The following SYMPK variants were observed in gnomAD, a reference collection of about 807,000 sequenced individuals.
The protein encoded by SYMPK is symplekin scaffold protein.
A neutral mutation model predicts 136.4 loss-of-function variants in SYMPK; 49 were observed. The ratio of observed to expected loss-of-function variants is 0.36; its 90% confidence interval spans 0.29 to 0.46. The LOEUF is 0.46. SYMPK is among the 20% of genes least tolerant of loss of function. SYMPK has a pLI of 1.00. For missense variants in SYMPK, 1,365 were observed against 1,690.0 expected, an observed-to-expected ratio of 0.81 and a Z score of 3.37; for synonymous variants, 766 against 713.0, an observed-to-expected ratio of 1.07 and a Z score of -1.19.
intron 11 of SYMPK, 42 bp downstream of exon 11, chr19:45,835,036 A>G (rs1236166858): frequency 1.4e-6 from 2 of 1,467,968 alleles, no homozygotes; most frequent in East Asian, 2.4e-5. Flanking sequence ...AGAAGCCACA[A>G]GTGCCAATCC....
intron 5 of SYMPK, 48 bp downstream of exon 5, chr19:45,852,264 G>A: frequency 1.2e-6 from 2 of 1,606,274 alleles, no homozygotes; most frequent in Middle Eastern, 1.7e-4. Flanking sequence ...CGAGCTGAAG[G>A]CTGCCACCAG....
At position 45,847,763 on chromosome 19, in the gene SYMPK, T is replaced by C. The variant is rs1437776128; in HGVS notation, c.665A>G (p.Tyr222Cys). The part of the protein sequence containing the change: ...SLDRIPRDHP[Y>C]IQYNVLWEEG... Reference sequence around the variant, plus strand: ...AAGGCAGTACTCACTGTACTGGATGTAGGGGTGGTCACGAGGGATGCGGTC... The same window carrying C: ...AAGGCAGTACTCACTGTACTGGATGCAGGGGTGGTCACGAGGGATGCGGTC... The change falls in exon 7 of 27, where the codon TAC becomes TGC. Residue 222 changes from tyrosine to cysteine, a missense_variant. Tyr to Cys is a radical substitution (Grantham distance 194). Around this residue, in one of 11 missense-constraint regions of SYMPK, gnomAD observed 237 missense variants for 292.9 expected, o/e 0.81. Transcript: ENST00000245934. The C allele has an allele frequency of 6.2e-7, 1 of 1,613,484 alleles. No homozygotes were observed. Among genetic ancestry groups the C allele is most frequent in the Non-Finnish European group, 8.5e-7 (1 of 1,179,900 alleles).
chr19:45,854,081 A>C lies in SYMPK; in HGVS notation c.171+94T>G, dbSNP rs577573757. On this transcript the variant is annotated intron_variant, in intron 3 of 26. Coordinates refer to ENST00000245934, the MANE Select transcript of SYMPK (RefSeq NM_004819.3). ...GTGGCCGGCACACACTGAGTGTGTAAATGTGGACACTGGTGTTACTGCAAG... is the reference window on the plus strand; with the variant it reads ...GTGGCCGGCACACACTGAGTGTGTACATGTGGACACTGGTGTTACTGCAAG... The C allele has an allele frequency of 1.7e-5, 20 of 1,200,372 alleles. No individual in the cohort carries two copies. The African/African-American group carries it at 2.8e-4, about 17-fold the overall frequency. 74.4% of individuals were successfully genotyped at this position (1,200,372 alleles called of 1,614,324 possible). A position where few individuals can be genotyped will look rare whatever the true frequency, so the allele number is the denominator to read the frequency against.
At chr19:45,835,392 A>C (rs1350001357) in intron 10 of SYMPK, among the ~76,000 whole-genome samples, 164 bp from the exon 11 acceptor site, 1 of 152,146 alleles carries the variant, frequency 6.6e-6, no homozygotes, top group Non-Finnish European at 1.5e-5. Flanking sequence ...ACAAATAATT[A>C]TATAGTGTAG....
intron 26 of SYMPK, 31 bp from the exon 27 acceptor site, chr19:45,815,728 G>A (rs368475603): frequency 1.2e-6 from 2 of 1,604,564 alleles, no homozygotes; most frequent in South Asian, 1.1e-5. Context: ...GGGCAGCCGG[G>A]TGGAGGGCGC....
intron 22 of SYMPK, chr19:45,820,231 C>T (rs1970856182): frequency 6.6e-6 from 1 of 152,284 alleles, no homozygotes; most frequent in Non-Finnish European, 1.5e-5. Flanking sequence ...TATGAGCATA[C>T]TGTCCTGGGA....
intron 1 of SYMPK, among the ~76,000 whole-genome samples, chr19:45,861,456 C>A (rs1971965649): frequency 6.6e-6 from 1 of 152,166 alleles, no homozygotes; most frequent in East Asian, 1.9e-4. Flanking sequence ...AGAGCATACA[C>A]AGGGCCGGGA....
rs141352628 is a variant in SYMPK, at chr19:45,822,948, A to G, written c.2701-102T>C. ...TGCTCGCCCTGGGGAGCTGAGGGCA[A>G]GCTCTGGCTCACTGAGCCCCTCCTA... On this transcript the variant is annotated intron_variant, in intron 20 of 26. Transcript: ENST00000245934. 4 of 929,632 alleles carry G rather than the reference A, an allele frequency of 4.3e-6. No homozygotes were observed. In the African/African-American group the frequency reaches 6.5e-5, roughly 15 times the overall value. 57.6% of individuals were successfully genotyped at this position (929,632 alleles called of 1,614,324 possible).
In SYMPK at chr19:45,821,031, C is replaced by T; in HGVS notation, c.2893+353G>A. The stretch of plus-strand genomic sequence containing the variant: ...CCCTGGGTCTGCCCTGCTGCTGCGC[C>T]TCTACCACTCACGGTGTGCCCTGCT... On this transcript the variant is annotated intron_variant, in intron 22 of 26. Transcript: ENST00000245934. The surrounding 1 kb of genome is among the most constrained non-coding windows in gnomAD (Gnocchi z 4.4). The T allele has an allele frequency of 1.6e-6, 1 of 609,338 alleles. No individual in the cohort carries two copies. Among genetic ancestry groups the T allele is most frequent in the Non-Finnish European group, 2.9e-6 (1 of 342,358 alleles). The allele number at this position is 609,338 out of a possible 1,614,324, so 37.7% of individuals were successfully genotyped here.
At chr19:45,842,047 G>A (rs1047033479) in intron 9 of SYMPK, among the ~76,000 whole-genome samples, 11 of 151,830 alleles carry the variant, frequency 7.2e-5, no homozygotes, top group African/African-American at 2.7e-4. Context: ...ATGTTGCCTA[G>A]GTTGGTCTTG....
rs529389515 is a variant in SYMPK, at chr19:45,821,549, T to C, written c.2792-64A>G. Reference sequence around the variant, plus strand: ...GGACGCATAAGTGAAGAGATGGGTCTGAGTTCCCCAGATCGGGGGAGCTGC... The same window carrying C: ...GGACGCATAAGTGAAGAGATGGGTCCGAGTTCCCCAGATCGGGGGAGCTGC... On this transcript the variant is annotated intron_variant, in intron 21 of 26. Transcript: ENST00000245934. This position sits in a 1 kb window ranked among gnomAD's most constrained non-coding sequence, Gnocchi z 4.4. The C allele has an allele frequency of 1.9e-5, 22 of 1,130,866 alleles. No individual in the cohort carries two copies. Among genetic ancestry groups the C allele is most frequent in the Non-Finnish European group, 2.8e-5 (21 of 759,532 alleles). The allele number at this position is 1,130,866 out of a possible 1,614,324, so 70.1% of individuals were successfully genotyped here. A position where few individuals can be genotyped will look rare whatever the true frequency, so the allele number is the denominator to read the frequency against.
Position 45,829,170 on chromosome 19 carries a change from CTG to C in SYMPK, c.1783_1784del (p.Gln595ValfsTer48). 1 of 1,614,078 alleles carries C rather than the reference CTG, an allele frequency of 6.2e-7. No homozygotes were observed. Among genetic ancestry groups the C allele is most frequent in the Non-Finnish European group, 8.5e-7 (1 of 1,179,974 alleles). The part of the protein sequence containing the change: ...RIKILASLVT[Q>X]FNSGLKAEVL... Reference sequence around the variant, plus strand: ...CCTCCGCCTTCAGGCCCGAGTTGAACTGTGTCACCAGGCTGGCCAGGATCTTT... The same window carrying C: ...CCTCCGCCTTCAGGCCCGAGTTGAACTGTCACCAGGCTGGCCAGGATCTTT... On this transcript the variant is annotated frameshift_variant, in exon 14 of 27. Coordinates refer to ENST00000245934, the MANE Select transcript of SYMPK (RefSeq NM_004819.3). LOFTEE classifies it high-confidence loss of function.
Position 45,822,802 on chromosome 19 carries a change from G to A in SYMPK, c.2745C>T (p.Pro915=), listed in dbSNP as rs1408547196. Residue 915 remains proline, a synonymous_variant, in exon 21 of 27, where the codon CCC becomes CCT. Coordinates refer to ENST00000245934, the MANE Select transcript of SYMPK (RefSeq NM_004819.3). ...QALPKLIKLN[P]IVVKEVFNRL... ...GGTTGAAGACTTCCTTCACCACGATGGGGTTGAGTTTGATGAGTTTAGGCA... is the reference window on the plus strand; with the variant it reads ...GGTTGAAGACTTCCTTCACCACGATAGGGTTGAGTTTGATGAGTTTAGGCA... 6.2e-7 allele frequency: 1 copy of A among 1,614,050 alleles called. No individual in the cohort carries two copies.
At chr19:45,850,885 A>C (rs1483396134) in intron 5 of SYMPK, among the ~76,000 whole-genome samples, 1 of 152,072 alleles carries the variant, frequency 6.6e-6, no homozygotes, top group Non-Finnish European at 1.5e-5. Context: ...ATGGGGCTGC[A>C]TGGGAGCGGG....
At chr19:45,844,729 G>C (rs1260488145) in intron 7 of SYMPK, among the ~76,000 whole-genome samples, 1 of 151,862 alleles carries the variant, frequency 6.6e-6, no homozygotes, top group African/African-American at 2.4e-5. Context: ...TTGCAATAGT[G>C]AAAGACTAGA....
At chr19:45,833,109 A>C (rs890948916) in intron 11 of SYMPK, among the ~76,000 whole-genome samples, 6 of 152,158 alleles carry the variant, frequency 3.9e-5, no homozygotes, top group African/African-American at 1.4e-4. Context: ...AGGCTGATGC[A>C]GGAGAATCGC....
At chr19:45,815,767 T>C in intron 26 of SYMPK, 70 bp from the exon 27 acceptor site, 1 of 1,588,892 alleles carries the variant, frequency 6.3e-7, no homozygotes, top group Non-Finnish European at 8.6e-7. Context: ...CTTCAGGCCC[T>C]GCCCCCTGAT....
intron 6 of SYMPK, 150 bp from the exon 7 acceptor site, chr19:45,848,151 G>T: frequency 1.9e-6 from 2 of 1,054,114 alleles, no homozygotes; most frequent in Non-Finnish European, 2.7e-6. Flanking sequence ...CTCTGCCCCA[G>T]CCCAGTGCTC....
chr19:45,829,322 A>T, intron 13 of SYMPK, 117 bp from the exon 14 acceptor site: 4 of 916,406 alleles, frequency 4.4e-6, no homozygotes, highest in Non-Finnish European at 6.7e-6. Context: ...ACAAGGAGTG[A>T]AGCGAGGAAG....
Sources: gnomAD v4.1 joint callset for allele counts (sites outside exome capture counted in the v4.1 genomes callset) on GRCh38, gnomAD v4.1.1 for gene constraint, gnomAD v4.1.1 regional missense constraint, Gnocchi (gnomAD v3.1) non-coding constraint, MANE v1.5 for transcripts, NCBI Gene and HGNC (gene_info 2026-07-23, HGNC 2026-07-21) for gene names.